The following TIMM17A variants were observed in gnomAD, a reference collection of about 807,000 sequenced individuals.
TIMM17A encodes mitochondrial import inner membrane translocase subunit Tim17-A.
A neutral mutation model predicts 26.5 loss-of-function variants in TIMM17A; 15 were observed. The ratio of observed to expected loss-of-function variants is 0.57; its 90% CI spans 0.38 to 0.87. The LOEUF is 0.87. TIMM17A is among the 40% of genes least tolerant of loss of function. The probability of loss-of-function intolerance (pLI) is 0.00; values close to 1 mark genes in which losing one functional copy is unlikely to be tolerated. For missense variants in TIMM17A, 201 were observed against 210.0 expected (o/e 0.96, Z 0.27); for synonymous variants, 80 against 70.8 (o/e 1.13, Z -0.66).
intron 5 of TIMM17A, 21 bp from the exon 6 acceptor site, chr1:201,969,448 C>A: frequency 6.3e-7 from 1 of 1,588,694 alleles, no homozygotes; most frequent in South Asian, 1.1e-5. Flanking sequence ...TTTTTAAATC[C>A]TTTTTATTTC....
At position 201,967,939 on chromosome 1, in the gene TIMM17A, A is replaced by G. The variant is rs558448941; in HGVS notation, c.431-1530A>G. On this transcript the variant is annotated intron_variant, in intron 5 of 5. Coordinates refer to ENST00000367287, the MANE Select transcript of TIMM17A (RefSeq NM_006335.3). ...GAGATGTGTTTCTGAAAAGCTGTGT[A>G]GGGGGGAAATCTTTGAAAACTTAAT... is the stretch of plus-strand genomic sequence containing the variant. 4.6e-5 allele frequency among the ~76,000 whole-genome samples: 7 copies of G among 152,266 alleles called. No homozygotes were observed. The East Asian group carries it at 1.2e-3, about 25-fold the overall frequency.
chr1:201,955,588 C>A (rs1486790967), intron 1 of TIMM17A, 36 bp downstream of exon 1: 1 of 1,613,976 alleles, frequency 6.2e-7, no homozygotes, highest in Non-Finnish European at 8.5e-7. Flanking sequence ...TTCTCTTGCC[C>A]CCCTGCCCAC....
In TIMM17A at chr1:201,955,823, C is replaced by T. The variant is rs190832512; in HGVS notation, c.26+271C>T. Reference sequence around the variant, plus strand: ...AGGTCCAGACTTGAGTTTGATAGAACCTCGGAACCTCCTCCCAACGCAGGG... The same window carrying T: ...AGGTCCAGACTTGAGTTTGATAGAATCTCGGAACCTCCTCCCAACGCAGGG... On this transcript the variant is annotated intron_variant, in intron 1 of 5. Transcript: ENST00000367287. Among the ~76,000 whole-genome samples the T allele has an allele frequency of 6.6e-5, 10 of 152,334 alleles. No individual in the cohort carries two copies. The East Asian group carries it at 9.6e-4, about 15-fold the overall frequency.
chr1:201,955,651 C>A, intron 1 of TIMM17A, 99 bp downstream of exon 1: 3 of 1,539,742 alleles, frequency 1.9e-6, no homozygotes, highest in East Asian at 4.6e-5. Context: ...GACTCAACCG[C>A]AGCCTCGTCG....
intron 5 of TIMM17A, among the ~76,000 whole-genome samples, chr1:201,967,412 C>T (rs1228030837): frequency 6.6e-6 from 1 of 152,090 alleles, no homozygotes; most frequent in Non-Finnish European, 1.5e-5. Flanking sequence ...TCCATATTCA[C>T]AGAAATTCAG....
At chr1:201,959,700 C>T (rs535249396) in intron 3 of TIMM17A, among the ~76,000 whole-genome samples, 60 of 151,950 alleles carry the variant, frequency 3.9e-4, no homozygotes, top group Admixed American at 2.1e-3. Context: ...GTAGGCCGGG[C>T]GCGGTGGCTC....
At chr1:201,956,376 G>A (rs969006977) in intron 1 of TIMM17A, among the ~76,000 whole-genome samples, 1 of 152,142 alleles carries the variant, frequency 6.6e-6, no homozygotes, top group African/African-American at 2.4e-5. Flanking sequence ...TTGTGTAAGA[G>A]CAACAACCAA....
chr1:201,957,260 T>C, intron 1 of TIMM17A, 21 bp from the exon 2 acceptor site: 1 of 1,510,790 alleles, frequency 6.6e-7, no homozygotes, highest in Middle Eastern at 1.7e-4. Context: ...AATATGGTCT[T>C]TTTTTTCCCC....
At chr1:201,959,710 C>CA (rs1682487518) in intron 3 of TIMM17A, among the ~76,000 whole-genome samples, 1 of 151,948 alleles carries the variant, frequency 6.6e-6, no homozygotes, top group Non-Finnish European at 1.5e-5. Flanking sequence ...CGCGGTGGCT[C>CA]ACGACTGTAA....
rs202092277 is a variant in TIMM17A at position 201,965,499 on chromosome 1, C to G, written c.386C>G (p.Ala129Gly). 6.2e-7 allele frequency: 1 copy of G among 1,614,140 alleles called. No homozygotes were observed. The highest frequency in any genetic ancestry group is 8.5e-7 in the Non-Finnish European group (1 of 1,179,958). Residue 129 changes from alanine to glycine, a missense_variant, in exon 5 of 6, where the codon GCT becomes GGT. Transcript: ENST00000367287. ...GGILLALIEGAGILLTRFASA... is the reference protein window; with the variant it reads ...GGILLALIEGGGILLTRFASA... ...ATTCTCCTAGCTTTAATTGAAGGAG[C>G]TGGTATCTTGTTGACAAGATTTGCC...
chr1:201,956,891 G>GGTTGCAGTGAGCCAAGATTGCGCC, intron 1 of TIMM17A, among the ~76,000 whole-genome samples: 1 of 151,896 alleles, frequency 6.6e-6, no homozygotes, highest in African/African-American at 2.4e-5. Flanking sequence ...AGGAGACGGA[G>GGTTGCAGTGAGCCAAGATTGCGCC]GTTGCAGTGA....
rs1483429326 is a variant in TIMM17A, at chr1:201,955,522, T to A, written c.-5T>A. ...CCCGGCATCACTCGCGGCATTGGAG[T>A]CAAGATGGAGGAGTACGCGCGAGAG... On this transcript the variant is annotated 5_prime_UTR_variant, in exon 1 of 6. Transcript: ENST00000367287. 1.9e-6 allele frequency: 3 copies of A among 1,614,118 alleles called. No individual in the cohort carries two copies. Among genetic ancestry groups the A allele is most frequent in the Non-Finnish European group, 2.5e-6 (3 of 1,180,020 alleles).
intron 1 of TIMM17A, among the ~76,000 whole-genome samples, chr1:201,956,695 C>T (rs1218298771): frequency 6.6e-6 from 1 of 152,186 alleles, no homozygotes; most frequent in Non-Finnish European, 1.5e-5. Flanking sequence ...GGTGTGGTGG[C>T]TCACGCCTGT....
chr1:201,955,591 C>G (rs1158526999), intron 1 of TIMM17A, 39 bp downstream of exon 1: 1 of 1,613,970 alleles, frequency 6.2e-7, no homozygotes, highest in Non-Finnish European at 8.5e-7. Context: ...TCTTGCCCCC[C>G]TGCCCACTGC....
intron 4 of TIMM17A, among the ~76,000 whole-genome samples, chr1:201,963,965 T>A (rs575158992): frequency 3.3e-5 from 5 of 151,154 alleles, no homozygotes; most frequent in Non-Finnish European, 5.9e-5. Context: ...AAAAAAAAAA[T>A]TTAATTAGCT....
chr1:201,961,135 G>A lies in TIMM17A; in HGVS notation c.191-2481G>A, dbSNP rs959138345. ...GGCTAGAGTGCAATGGCGCGGTCTC[G>A]GCTCACGTCAACTTCCATCTGTCCG... On this transcript the variant is annotated intron_variant, in intron 3 of 5. Coordinates refer to ENST00000367287, the MANE Select transcript of TIMM17A (RefSeq NM_006335.3). Among the ~76,000 whole-genome samples, 47 of 149,168 alleles carry A rather than the reference G, an allele frequency of 3.2e-4. 1 individual carries two copies. Among genetic ancestry groups the A allele is most frequent in the African/African-American group, 1.0e-3 (42 of 40,374 alleles).
intron 5 of TIMM17A, 59 bp from the exon 6 acceptor site, chr1:201,969,410 T>C: frequency 1.5e-6 from 2 of 1,341,622 alleles, no homozygotes; most frequent in South Asian, 2.4e-5. Flanking sequence ...AGAGATTTGT[T>C]CTTTTTAATA....
intron 5 of TIMM17A, among the ~76,000 whole-genome samples, chr1:201,966,731 C>T (rs575815088): frequency 6.0e-5 from 9 of 151,178 alleles, no homozygotes; most frequent in African/African-American, 1.9e-4. Flanking sequence ...AATCGCAGCT[C>T]CTTGGGAGGC....
At chr1:201,956,332 C>T (rs1037534621) in intron 1 of TIMM17A, among the ~76,000 whole-genome samples, 1 of 152,116 alleles carries the variant, frequency 6.6e-6, no homozygotes, top group South Asian at 2.1e-4. Context: ...GGTAAAAAAT[C>T]AAATCTTGAT....
Sources: allele counts gnomAD v4.1 joint callset (sites outside exome capture counted in the v4.1 genomes callset), GRCh38; gene constraint gnomAD v4.1.1; transcripts MANE v1.5; gene names NCBI Gene and HGNC (gene_info 2026-07-23, HGNC 2026-07-21).